KDM7A: variants seen among roughly 807,000 people sequenced by gnomAD.
KDM7A encodes the protein lysine-specific demethylase 7A.
A neutral mutation model predicts 114.8 loss-of-function variants in KDM7A; 28 were observed. The ratio of observed to expected loss-of-function variants is 0.24; its 90% CI spans 0.18 to 0.33. The LOEUF (loss-of-function observed/expected upper bound fraction) is 0.33. Ranked by LOEUF, KDM7A falls within the 10% of genes least tolerant of loss-of-function variation. The pLI, the probability that KDM7A is intolerant of heterozygous loss-of-function variation, is 1.00. For synonymous variants in KDM7A, 423 were observed against 397.8 expected, an observed-to-expected ratio of 1.06 and a Z score of -0.75; for missense variants, 942 against 1,142.5, an observed-to-expected ratio of 0.82 and a Z score of 2.53.
chr7:140,099,150 T>G (rs1562945346), intron 13 of KDM7A, 117 bp from the exon 14 acceptor site: 1 of 810,106 alleles, frequency 1.2e-6, no homozygotes, highest in Non-Finnish European at 1.9e-6. Flanking sequence ...GTCCCCATAT[T>G]TCATTCAACT....
At chr7:140,165,429 T>G (rs115422019) in intron 1 of KDM7A, among the ~76,000 whole-genome samples, 2,984 of 152,356 alleles carry the variant, frequency 0.02, 84 homozygotes, top group African/African-American at 0.068. Context: ...AATGATAAGC[T>G]ACACTTAAAA....
At position 140,100,754 on chromosome 7, in the gene KDM7A, TTTTG is replaced by T. The variant is rs199740328; in HGVS notation, c.1639-735_1639-732del. 2.5e-3 allele frequency among the ~76,000 whole-genome samples: 271 copies of T among 107,698 alleles called. 1 individual carries two copies. The highest frequency in any genetic ancestry group is 8.4e-3 in the African/African-American group (231 of 27,440). 70.7% of individuals were successfully genotyped at this position (107,698 alleles called of 152,430 possible). Reference sequence around the variant, plus strand: ...TATATATATATATACATATATATTTTTTTGTTTGTTTGTTTGTTTGTTTGGAGAC... The same window carrying T: ...TATATATATATATACATATATATTTTTTTGTTTGTTTGTTTGTTTGGAGAC... On this transcript the variant is annotated intron_variant, in intron 12 of 19. Coordinates refer to ENST00000397560, the MANE Select transcript of KDM7A (RefSeq NM_030647.2).
Position 140,088,210 on chromosome 7 carries a change from T to C in KDM7A, c.*2884A>G, listed in dbSNP as rs1817964924. 2 of 291,134 alleles carry C rather than the reference T, an allele frequency of 6.9e-6. No homozygotes were observed. The highest frequency in any genetic ancestry group is 1.6e-4 in the South Asian group (1 of 6,080). The allele number at this position is 291,134 out of a possible 1,614,324, so 18.0% of individuals were successfully genotyped here. A position where few individuals can be genotyped will look rare whatever the true frequency, so the allele number is the denominator to read the frequency against. The stretch of plus-strand genomic sequence containing the variant: ...ATGAACTGATACTTATGAAGTTCAA[T>C]GTATTTCTAGGATACTGAACTACTA... On this transcript the variant is annotated 3_prime_UTR_variant, in exon 20 of 20. Transcript: ENST00000397560.
intron 17 of KDM7A, chr7:140,095,854 G>A (rs1411447193): frequency 6.6e-6 from 1 of 152,198 alleles, no homozygotes; most frequent in Non-Finnish European, 1.5e-5. Context: ...ATTCCAGCCT[G>A]GGCAGCAGAG....
At chr7:140,165,487 T>C (rs1794563857) in intron 1 of KDM7A, among the ~76,000 whole-genome samples, 1 of 152,162 alleles carries the variant, frequency 6.6e-6, no homozygotes, top group South Asian at 2.1e-4. Flanking sequence ...CTTTCTAAGG[T>C]TTCAGGTACC....
At position 140,126,839 on chromosome 7, in the gene KDM7A, C is replaced by T. The variant is rs1818712247; in HGVS notation, c.702-16G>A. The T allele has an allele frequency of 1.3e-6, 2 of 1,583,718 alleles. No homozygotes were observed. Among genetic ancestry groups the T allele is most frequent in the African/African-American group, 1.4e-5 (1 of 73,980 alleles). Reference sequence around the variant, plus strand: ...TTCAGACATCCTTTCAAAAAACAAACATACACACACACCCACATCATGCAA... The same window carrying T: ...TTCAGACATCCTTTCAAAAAACAAATATACACACACACCCACATCATGCAA... On this transcript the variant is annotated splice_polypyrimidine_tract_variant and intron_variant, in intron 5 of 19. Transcript: ENST00000397560.
intron 7 of KDM7A, among the ~76,000 whole-genome samples, chr7:140,120,999 C>T (rs1218946575): frequency 3.3e-5 from 5 of 152,280 alleles, no homozygotes; most frequent in Non-Finnish European, 7.4e-5. Flanking sequence ...ATTAGAAAAG[C>T]ACATTTTCCA....
intron 1 of KDM7A, among the ~76,000 whole-genome samples, chr7:140,159,955 A>AAAC (rs1554401428): frequency 3.3e-5 from 5 of 151,722 alleles, no homozygotes; most frequent in African/African-American, 1.2e-4. Flanking sequence ...TAAAAAAAAA[A>AAAC]AAAAAAAAAA....
chr7:140,158,823 A>G (rs945747845), intron 1 of KDM7A, among the ~76,000 whole-genome samples: 10 of 152,194 alleles, frequency 6.6e-5, no homozygotes, highest in Admixed American at 6.5e-4. Flanking sequence ...GATAACTTTG[A>G]AAAGAACTGT....
intron 9 of KDM7A, among the ~76,000 whole-genome samples, chr7:140,114,625 G>A (rs1220847912): frequency 2.6e-5 from 4 of 152,244 alleles, no homozygotes; most frequent in South Asian, 2.1e-4. Context: ...CTGACTGGCC[G>A]CCCATCATCT....
chr7:140,175,187 G>C (rs1301282199), intron 1 of KDM7A, among the ~76,000 whole-genome samples: 1 of 152,194 alleles, frequency 6.6e-6, no homozygotes, highest in Non-Finnish European at 1.5e-5. Context: ...TCTGTTGTGA[G>C]AATCGGCTAG....
intron 11 of KDM7A, among the ~76,000 whole-genome samples, chr7:140,109,762 T>C (rs1818402436): frequency 6.6e-6 from 1 of 152,246 alleles, no homozygotes; most frequent in Admixed American, 6.5e-5. Context: ...CATACCTCCC[T>C]TTCCTTCAAT....
At chr7:140,102,184 T>C in intron 11 of KDM7A, 24 bp from the exon 12 acceptor site, 1 of 1,543,364 alleles carries the variant, frequency 6.5e-7, no homozygotes, top group Non-Finnish European at 9.0e-7. Flanking sequence ...AATCAGAGTA[T>C]TTTTATAAGA....
At chr7:140,167,015 AC>A (rs1457769119) in intron 1 of KDM7A, among the ~76,000 whole-genome samples, 10 of 152,226 alleles carry the variant, frequency 6.6e-5, no homozygotes, top group Admixed American at 6.5e-4. Flanking sequence ...TATAATACTA[AC>A]AAAGAAAATT....
At chr7:140,162,042 T>A (rs144993686) in intron 1 of KDM7A, among the ~76,000 whole-genome samples, 1 of 151,936 alleles carries the variant, frequency 6.6e-6, no homozygotes, top group African/African-American at 2.4e-5. Context: ...CTGTTATAAT[T>A]ACTAACTGAT....
At chr7:140,140,264 A>C (rs939333438) in intron 1 of KDM7A, among the ~76,000 whole-genome samples, 3 of 152,204 alleles carry the variant, frequency 2.0e-5, no homozygotes, top group African/African-American at 7.2e-5. Context: ...AAAAATCTTA[A>C]ATCAGTGAAA....
In KDM7A at chr7:140,169,375, A is replaced by G. The variant is rs1030531669; in HGVS notation, c.194+7369T>C. ...CACTTTTATAACCAAATTCTTCTAT[A>G]CCTGTTCTATTCTTACTCATAAGCC... is the stretch of plus-strand genomic sequence containing the variant. On this transcript the variant is annotated intron_variant, in intron 1 of 19. Coordinates refer to ENST00000397560, the MANE Select transcript of KDM7A (RefSeq NM_030647.2). Among the ~76,000 whole-genome samples, 3 of 152,136 alleles carry G rather than the reference A, an allele frequency of 2.0e-5. No individual in the cohort carries two copies. The South Asian group carries it at 6.2e-4, about 32-fold the overall frequency.
chr7:140,166,335 CTTTTTTTTT>C (rs746518929), intron 1 of KDM7A, among the ~76,000 whole-genome samples: 1 of 128,674 alleles, frequency 7.8e-6, no homozygotes, highest in African/African-American at 2.9e-5. Flanking sequence ...CTTTTTTTTC[CTTTTTTTTT>C]TTTTTTTTTT....
intron 1 of KDM7A, among the ~76,000 whole-genome samples, chr7:140,150,818 ATC>A (rs1585162056): frequency 6.7e-6 from 1 of 148,992 alleles, no homozygotes; most frequent in East Asian, 2.0e-4. Context: ...TGGCCCAATA[ATC>A]TCTGTTCTTT....
Sources: gnomAD v4.1 joint callset for allele counts (sites outside exome capture counted in the v4.1 genomes callset) on GRCh38, gnomAD v4.1.1 for gene constraint, MANE v1.5 for transcripts, NCBI Gene and HGNC (gene_info 2026-07-23, HGNC 2026-07-21) for gene names.